The following PCDHA1 variants were observed in gnomAD, a reference collection of about 807,000 sequenced individuals.
PCDHA1 encodes the protein protocadherin alpha 1.
Under a neutral mutation model 61.3 loss-of-function variants are expected in PCDHA1, and 42 were observed. The ratio of observed to expected loss-of-function variants is 0.69; its 90% CI spans 0.54 to 0.89. PCDHA1 has a LOEUF of 0.89. Ranked by LOEUF, PCDHA1 falls within the 40% of genes least tolerant of loss-of-function variation. The pLI is 0.00. For missense variants in PCDHA1, 1,256 were observed against 1,235.3 expected (o/e 1.02, Z -0.25); for synonymous variants, 610 against 553.8 (o/e 1.10, Z -1.43).
intron 1 of PCDHA1, chr5:140,928,615 A>T: frequency 6.2e-7 from 1 of 1,614,276 alleles, no homozygotes. Flanking sequence ...CCGCTCTGCC[A>T]GGACTGGACA....
At chr5:140,902,611 A>G (rs924512539) in intron 1 of PCDHA1, among the ~76,000 whole-genome samples, 1 of 151,996 alleles carries the variant, frequency 6.6e-6, no homozygotes, top group East Asian at 1.9e-4. Flanking sequence ...TTTCAGTTAC[A>G]TGGGTAAGTT....
rs186179297 is a variant in PCDHA1, at chr5:140,987,139, G to A, written c.2542+4576G>A. Among the ~76,000 whole-genome samples the A allele has an allele frequency of 5.1e-4, 78 of 151,932 alleles. 3 individuals are homozygous for A. The East Asian group carries it at 0.014, about 28-fold the overall frequency. On this transcript the variant is annotated intron_variant, in intron 3 of 3. Transcript: ENST00000504120. The stretch of plus-strand genomic sequence containing the variant: ...TGAGGCAGGAGAATTGCTTGAACTC[G>A]GGAGGTGGAGGTTGCAGTGAGCTGA...
Position 140,843,491 on chromosome 5 carries a change from T to C in PCDHA1, c.2394+54807T>C, listed in dbSNP as rs2150361204. 8 of 1,595,956 alleles carry C rather than the reference T, an allele frequency of 5.0e-6. 1 individual carries two copies. Among genetic ancestry groups the C allele is most frequent in the South Asian group, 1.1e-5 (1 of 90,486 alleles). On this transcript the variant is annotated intron_variant, in intron 1 of 3. Transcript: ENST00000504120. Reference sequence around the variant, plus strand: ...GCTGCTGTACACTGCGCTGCGGTGCTCAGCACTGCCCACTGAGGGCGGGTG... The same window carrying C: ...GCTGCTGTACACTGCGCTGCGGTGCCCAGCACTGCCCACTGAGGGCGGGTG...
At chr5:140,808,976 G>T in intron 1 of PCDHA1, 1 of 1,613,688 alleles carries the variant, frequency 6.2e-7, no homozygotes, top group Non-Finnish European at 8.5e-7. Context: ...GGTGCGCGCG[G>T]TGGATGCTGA....
intron 1 of PCDHA1, chr5:140,853,980 G>A: frequency 1.8e-6 from 1 of 544,346 alleles, no homozygotes; most frequent in Non-Finnish European, 2.4e-6. Flanking sequence ...TGAGACCAAT[G>A]TAGTGAGACT....
At chr5:140,841,101 C>T (rs1282601439) in intron 1 of PCDHA1, 2 of 575,780 alleles carry the variant, frequency 3.5e-6, no homozygotes, top group East Asian at 3.0e-5. Context: ...CCAGATATTG[C>T]GGAAGTAATT....
chr5:140,913,164 T>C (rs1211762965), intron 1 of PCDHA1, among the ~76,000 whole-genome samples: 1 of 152,208 alleles, frequency 6.6e-6, no homozygotes, highest in Non-Finnish European at 1.5e-5. Flanking sequence ...GGATTGGTAT[T>C]AGTTCTTCTT....
At chr5:140,796,335 G>A in intron 1 of PCDHA1, 1 of 1,614,080 alleles carries the variant, frequency 6.2e-7, no homozygotes, top group Non-Finnish European at 8.5e-7. Context: ...CGTTCGCACA[G>A]CCTGAGTACA....
At chr5:140,829,825 C>A in intron 1 of PCDHA1, 1 of 1,613,864 alleles carries the variant, frequency 6.2e-7, no homozygotes, top group African/African-American at 1.3e-5. Context: ...GTGCAGTGAG[C>A]GAGCTGGTGC....
At chr5:140,985,065 G>A (rs189493508) in intron 3 of PCDHA1, among the ~76,000 whole-genome samples, 45 of 152,190 alleles carry the variant, frequency 3.0e-4, no homozygotes, top group Admixed American at 5.2e-4. Context: ...AGCCTCCTGA[G>A]TAGCTGAGAC....
At chr5:140,796,952 C>G (rs998701281) in intron 1 of PCDHA1, 5 of 1,613,806 alleles carry the variant, frequency 3.1e-6, no homozygotes, top group Non-Finnish European at 4.2e-6. Context: ...ACAGCCACGG[C>G]CACCGTGTTA....
intron 1 of PCDHA1, chr5:140,871,080 G>A: frequency 6.2e-7 from 1 of 1,613,212 alleles, no homozygotes; most frequent in Non-Finnish European, 8.5e-7. Flanking sequence ...CGGCGCTGAC[G>A]GCCACGGCCA....
chr5:140,800,121 T>A (rs1229155370), intron 1 of PCDHA1, among the ~76,000 whole-genome samples: 2 of 152,146 alleles, frequency 1.3e-5, no homozygotes, highest in Admixed American at 6.5e-5. Flanking sequence ...ACGTAATTAC[T>A]TTATATTGTT....
intron 1 of PCDHA1, chr5:140,868,497 T>C (rs1458506620): frequency 1.3e-5 from 2 of 152,376 alleles, no homozygotes; most frequent in Admixed American, 6.5e-5. Flanking sequence ...TTGAGTTCCC[T>C]AGCAGCCAAA....
At chr5:140,849,668 C>T (rs1208078689) in intron 1 of PCDHA1, 1 of 1,598,736 alleles carries the variant, frequency 6.3e-7, no homozygotes, top group Non-Finnish European at 8.6e-7. Flanking sequence ...CCCTGACGCC[C>T]CACGTCCCCT....
intron 1 of PCDHA1, among the ~76,000 whole-genome samples, chr5:140,931,140 G>C (rs1176305397): frequency 6.6e-6 from 1 of 152,070 alleles, no homozygotes; most frequent in African/African-American, 2.4e-5. Context: ...TATTTGCAGT[G>C]GATACTATTT....
intron 1 of PCDHA1, among the ~76,000 whole-genome samples, chr5:140,838,952 A>G (rs1270544728): frequency 6.6e-6 from 1 of 152,048 alleles, no homozygotes; most frequent in Non-Finnish European, 1.5e-5. Flanking sequence ...ATAAAATAAA[A>G]TAAAAACCCA....
intron 1 of PCDHA1, among the ~76,000 whole-genome samples, chr5:140,955,954 T>C (rs782364189): frequency 2.0e-5 from 3 of 152,184 alleles, no homozygotes; most frequent in Non-Finnish European, 2.9e-5. Context: ...TACTTGCTTG[T>C]TGTTTGTGCA....
intron 1 of PCDHA1, chr5:140,834,481 A>C (rs2150219318): frequency 6.2e-7 from 1 of 1,614,090 alleles, no homozygotes; most frequent in East Asian, 2.2e-5. Context: ...CAGCTCCACT[A>C]CTCGGTCCCC....
Sources: allele counts gnomAD v4.1 joint callset (sites outside exome capture counted in the v4.1 genomes callset), GRCh38; gene constraint gnomAD v4.1.1; transcripts MANE v1.5; gene names NCBI Gene and HGNC (gene_info 2026-07-23, HGNC 2026-07-21).